The following RASGRP2 variants were observed in gnomAD, a reference collection of about 807,000 sequenced individuals.
RASGRP2 encodes the protein RAS guanyl-releasing protein 2.
Under a neutral mutation model 71.0 loss-of-function variants are expected in RASGRP2, and 44 were observed. The observed-to-expected ratio is 0.62, with a 90% CI of 0.49 to 0.80. RASGRP2 has a LOEUF of 0.80. Among genes scored for constraint, RASGRP2 ranks in the 30% least tolerant of loss-of-function variants. RASGRP2 has a pLI of 0.00. For missense variants in RASGRP2, 663 were observed against 813.4 expected (o/e 0.82, Z 2.25); for synonymous variants, 350 against 330.7 (o/e 1.06, Z -0.63).
intron 4 of RASGRP2, 73 bp downstream of exon 4, chr11:64,741,366 C>A: frequency 6.9e-7 from 1 of 1,452,088 alleles, no homozygotes; most frequent in Non-Finnish European, 9.5e-7. Flanking sequence ...GCCCTGCCCC[C>A]TCCTCCAGGC....
chr11:64,742,822 C>T lies in RASGRP2; in HGVS notation c.45G>A (p.Glu15=). Residue 15 remains glutamate, a synonymous_variant, in exon 2 of 17, where the codon GAG becomes GAA. Transcript: ENST00000394432. The surrounding 1 kb of genome is among the most constrained non-coding windows in gnomAD (Gnocchi z 4.7). ...LDLDKGCTVE[E]LLRGCIEAFD... Reference sequence around the variant, plus strand: ...AGGCTTCGATGCACCCGCGGAGCAGCTCCTCCACCGTGCAGCCCTTGTCCA... The same window carrying T: ...AGGCTTCGATGCACCCGCGGAGCAGTTCCTCCACCGTGCAGCCCTTGTCCA... 3 of 1,608,506 alleles carry T rather than the reference C, an allele frequency of 1.9e-6. No homozygotes were observed. The highest frequency in any genetic ancestry group is 2.5e-6 in the Non-Finnish European group (3 of 1,178,424).
Position 64,743,994 on chromosome 11 carries a change from CACACAT to C in RASGRP2, c.-72+3_-72+8del, listed in dbSNP as rs2058228942. On this transcript the variant is annotated splice_donor_5th_base_variant and intron_variant, in intron 1 of 16. Transcript: ENST00000394432. This position sits in a 1 kb window ranked among gnomAD's most constrained non-coding sequence, Gnocchi z 4.9. ...ACACCTGCACGAAGAAACCCTCAGG[CACACAT>C]ACCCAGCTCGTCCACCCCAGAATGC... 1.0e-6 allele frequency: 1 copy of C among 987,906 alleles called. No individual in the cohort carries two copies. Among genetic ancestry groups the C allele is most frequent in the Non-Finnish European group, 1.2e-6 (1 of 830,814 alleles). The allele number at this position is 987,906 out of a possible 1,614,324, so 61.2% of individuals were successfully genotyped here.
chr11:64,744,540 G>T (rs1196949149), upstream of RASGRP2: 1 of 154,614 alleles, frequency 6.5e-6, no homozygotes, highest in Non-Finnish European at 1.4e-5. Context: ...GGAAAAGCTG[G>T]GTGCACCGTG....
intron 15 of RASGRP2, 114 bp downstream of exon 15, chr11:64,728,749 T>A: frequency 8.4e-7 from 1 of 1,186,282 alleles, no homozygotes; most frequent in Non-Finnish European, 1.2e-6. Context: ...TTCTTTATTA[T>A]CCCACCACAA....
intron 12 of RASGRP2, among the ~76,000 whole-genome samples, chr11:64,733,867 T>TTG (rs2057845556): frequency 6.7e-6 from 1 of 149,776 alleles, no homozygotes; most frequent in Non-Finnish European, 1.5e-5. Context: ...TTTTTTTTTT[T>TTG]GATGGGGGTG....
intron 5 of RASGRP2, chr11:64,740,419 C>A: frequency 1.5e-6 from 1 of 667,012 alleles, no homozygotes; most frequent in South Asian, 1.5e-5. Flanking sequence ...GAGTAAGACA[C>A]GGTTCCTGCC....
In RASGRP2 at chr11:64,742,145, G is replaced by C; in HGVS notation, c.74-33C>G. Reference sequence around the variant, plus strand: ...CGAAGGGTCAAAGACAGGTGGCTGAGCTGGGTCCGCAGCTACCATGCCTCA... The same window carrying C: ...CGAAGGGTCAAAGACAGGTGGCTGACCTGGGTCCGCAGCTACCATGCCTCA... On this transcript the variant is annotated intron_variant, in intron 2 of 16. Transcript: ENST00000394432. This position sits in a 1 kb window ranked among gnomAD's most constrained non-coding sequence, Gnocchi z 4.7. The C allele has an allele frequency of 1.3e-6, 2 of 1,522,222 alleles. No homozygotes were observed. Among genetic ancestry groups the C allele is most frequent in the Non-Finnish European group, 1.8e-6 (2 of 1,118,988 alleles). 94.3% of individuals were successfully genotyped at this position (1,522,222 alleles called of 1,614,324 possible).
At chr11:64,729,952 T>G in intron 13 of RASGRP2, 101 bp downstream of exon 13, 1 of 1,510,368 alleles carries the variant, frequency 6.6e-7, no homozygotes, top group Non-Finnish European at 8.9e-7. Context: ...CAGGTTTTCC[T>G]GGCTTGAGAA....
Position 64,743,065 on chromosome 11 carries a change from C to A in RASGRP2, c.-71-128G>T. Reference sequence around the variant, plus strand: ...GGCGGAGTTGTCCCCCGCGGCCACTCCCGGGGTTAAACGGTCTGGCCCGGG... The same window carrying A: ...GGCGGAGTTGTCCCCCGCGGCCACTACCGGGGTTAAACGGTCTGGCCCGGG... On this transcript the variant is annotated intron_variant, in intron 1 of 16. Coordinates refer to ENST00000394432, the MANE Select transcript of RASGRP2 (RefSeq NM_001098671.2). This position sits in a 1 kb window ranked among gnomAD's most constrained non-coding sequence, Gnocchi z 4.9. 9.1e-7 allele frequency: 1 copy of A among 1,095,326 alleles called. No homozygotes were observed. The highest frequency in any genetic ancestry group is 1.3e-6 in the Non-Finnish European group (1 of 747,360). 67.9% of individuals were successfully genotyped at this position (1,095,326 alleles called of 1,614,324 possible). A position where few individuals can be genotyped will look rare whatever the true frequency, so the allele number is the denominator to read the frequency against.
chr11:64,741,426 G>A lies in RASGRP2; in HGVS notation c.239+13C>T, dbSNP rs1426022151. The A allele has an allele frequency of 1.9e-6, 3 of 1,542,404 alleles. No homozygotes were observed. Among genetic ancestry groups the A allele is most frequent in the East Asian group, 2.4e-5 (1 of 42,066 alleles). ...GAAAGGGGAGGGGCTAGAGCCCCAG[G>A]GGAAAGACTCACCTGACCAGGTGGC... On this transcript the variant is annotated intron_variant, in intron 4 of 16. Transcript: ENST00000394432.
chr11:64,742,054 G>A lies in RASGRP2; in HGVS notation c.132C>T (p.Pro44=), dbSNP rs1457894550. 1 of 1,611,980 alleles carries A rather than the reference G, an allele frequency of 6.2e-7. No individual in the cohort carries two copies. Among genetic ancestry groups the A allele is most frequent in the Non-Finnish European group, 8.5e-7 (1 of 1,179,038 alleles). ...CCAGCTGAGAGGAGGGGATGTACCAGGGGTGCATCATGAGGAACATGCGCA... is the reference window on the plus strand; with the variant it reads ...CCAGCTGAGAGGAGGGGATGTACCAAGGGTGCATCATGAGGAACATGCGCA... ...QLVRMFLMMH[P]WYIPSSQLAA... The change falls in exon 3 of 17, where the codon CCC becomes CCT. Residue 44 remains proline (P), a synonymous_variant. Coordinates refer to ENST00000394432, the MANE Select transcript of RASGRP2 (RefSeq NM_001098671.2). This position sits in a 1 kb window ranked among gnomAD's most constrained non-coding sequence, Gnocchi z 4.7.
rs750452972 is a variant in RASGRP2, at chr11:64,735,210, A to T, written c.1314T>A (p.Phe438Leu). 1 of 1,614,168 alleles carries T rather than the reference A, an allele frequency of 6.2e-7. No individual in the cohort carries two copies. The highest frequency in any genetic ancestry group is 1.7e-5 in the Admixed American group (1 of 60,032). ...EKMVESVFRN[F>L]DVDGDGHISQ... is the part of the protein sequence containing the mutation. Reference sequence around the variant, plus strand: ...AGATGTGGCCATCCCCATCGACGTCAAAGTTCCGGAACACAGACTGGGGCA... The same window carrying T: ...AGATGTGGCCATCCCCATCGACGTCTAAGTTCCGGAACACAGACTGGGGCA... Residue 438 changes from phenylalanine to leucine, a missense_variant, in exon 12 of 17, where the codon TTT (phenylalanine) becomes TTA (leucine). Physicochemically the swap from Phe to Leu is conservative, Grantham distance 22. Transcript: ENST00000394432. This position sits in a 1 kb window ranked among gnomAD's most constrained non-coding sequence, Gnocchi z 4.2.
At chr11:64,740,345 A>C in intron 5 of RASGRP2, 182 bp from the exon 6 acceptor site, 2 of 745,488 alleles carry the variant, frequency 2.7e-6, no homozygotes, top group Non-Finnish European at 4.8e-6. Flanking sequence ...CATGCACTCA[A>C]CACACATTTA....
At position 64,735,474 on chromosome 11, in the gene RASGRP2, GCTTCC is replaced by G. The variant is rs1323670109; in HGVS notation, c.1296+63_1296+67del. 86 of 1,609,524 alleles carry G rather than the reference GCTTCC, an allele frequency of 5.3e-5. No individual in the cohort carries two copies. The highest frequency in any genetic ancestry group is 6.8e-5 in the Non-Finnish European group (80 of 1,179,414). On this transcript the variant is annotated intron_variant, in intron 11 of 16. Transcript: ENST00000394432. The surrounding 1 kb of genome is among the most constrained non-coding windows in gnomAD (Gnocchi z 4.2). The stretch of plus-strand genomic sequence containing the variant: ...GGTCTTGAACAGGACACTCGTGCTG[GCTTCC>G]AGGGCAGTGCTCCGGCAAACTGGCC...
In RASGRP2 at chr11:64,737,397, G is replaced by A. The variant is rs768903622; in HGVS notation, c.814-363C>T. The A allele has an allele frequency of 2.0e-5, 7 of 344,968 alleles. No homozygotes were observed. In the East Asian group the frequency reaches 2.2e-4, roughly 11 times the overall value. 21.4% of individuals were successfully genotyped at this position (344,968 alleles called of 1,614,324 possible). On this transcript the variant is annotated intron_variant, in intron 8 of 16. Transcript: ENST00000394432. ...CAAAAACTGGAAAAACCAGCTGGGC[G>A]TGGTGGCTCACACTTGTAATCTCAG...
At position 64,735,323 on chromosome 11, in the gene RASGRP2, G is replaced by A; in HGVS notation, c.1297-96C>T. On this transcript the variant is annotated intron_variant, in intron 11 of 16. Coordinates refer to ENST00000394432, the MANE Select transcript of RASGRP2 (RefSeq NM_001098671.2). The surrounding 1 kb of genome is among the most constrained non-coding windows in gnomAD (Gnocchi z 4.2). ...CCCACGTTCCCAGTCCATTTGATGA[G>A]GTGTGTCTCAGAGAGGTCTCTGACA... is the stretch of plus-strand genomic sequence containing the variant. 8.7e-6 allele frequency: 11 copies of A among 1,263,684 alleles called. No individual in the cohort carries two copies. The highest frequency in any genetic ancestry group is 1.3e-5 in the Non-Finnish European group (11 of 870,810). The allele number at this position is 1,263,684 out of a possible 1,614,324, so 78.3% of individuals were successfully genotyped here.
intron 12 of RASGRP2, among the ~76,000 whole-genome samples, chr11:64,732,821 G>A (rs1347776211): frequency 5.3e-5 from 8 of 149,742 alleles, no homozygotes; most frequent in Admixed American, 1.3e-4. Context: ...ATGGTGGCGC[G>A]CGCCTGTAAT....
intron 8 of RASGRP2, 130 bp from the exon 9 acceptor site, chr11:64,737,164 C>A (rs543732091): frequency 1.8e-6 from 2 of 1,088,648 alleles, no homozygotes; most frequent in Non-Finnish European, 2.7e-6. Context: ...CCCTTACTGT[C>A]CCCCACGACT....
In RASGRP2 at chr11:64,729,027, C is replaced by T; in HGVS notation, c.1607G>A (p.Cys536Tyr). Residue 536 changes from cysteine (C) to tyrosine (Y), a missense_variant, in exon 15 of 17, where the codon TGC becomes TAC. Cys to Tyr is a radical substitution (Grantham distance 194). Coordinates refer to ENST00000394432, the MANE Select transcript of RASGRP2 (RefSeq NM_001098671.2). ...GLKCRACGVNCHKQCKDRLSV... is the reference protein window; with the variant it reads ...GLKCRACGVNYHKQCKDRLSV... ...CAGGCGATCCTTGCACTGCTTGTGG[C>T]AGTTCACTCCACAGGCTGGGGGAGA... 6.3e-7 allele frequency: 1 copy of T among 1,599,024 alleles called. No homozygotes were observed. The highest frequency in any genetic ancestry group is 2.2e-5 in the East Asian group (1 of 44,696).
Sources: allele counts gnomAD v4.1 joint callset (sites outside exome capture counted in the v4.1 genomes callset), GRCh38; gene constraint gnomAD v4.1.1; non-coding constraint Gnocchi (gnomAD v3.1); transcripts MANE v1.5; gene names NCBI Gene and HGNC (gene_info 2026-07-23, HGNC 2026-07-21).